CTSB: variants seen among roughly 807,000 people sequenced by gnomAD.
CTSB encodes the protein cathepsin B.
Under a neutral mutation model 44.3 loss-of-function variants are expected in CTSB, and 57 were observed. The ratio of observed to expected loss-of-function variants is 1.29; its 90% CI spans 1.04 to 1.60. CTSB has a LOEUF of 1.60. CTSB is among the 40% of genes most tolerant of loss of function. The pLI is 0.00. For synonymous variants in CTSB, 320 were observed against 168.0 expected, an observed-to-expected ratio of 1.91 and a Z score of -7.00; for missense variants, 768 against 443.0, an observed-to-expected ratio of 1.73 and a Z score of -6.59.
intron 1 of CTSB, among the ~76,000 whole-genome samples, chr8:11,866,154 T>G (rs536337696): frequency 1.3e-5 from 2 of 152,308 alleles, no homozygotes; most frequent in African/African-American, 4.8e-5. Context: ...AAATATCTGT[T>G]ACCCCTAAAA....
At chr8:11,849,489 G>T in intron 4 of CTSB, 1 of 198,382 alleles carries the variant, frequency 5.0e-6, no homozygotes, top group Non-Finnish European at 1.1e-5. Context: ...TTTAAAGCAA[G>T]AGAAGCACCC....
rs2131020189 is a variant in CTSB, at chr8:11,849,067, C to G, written c.425G>C (p.Cys142Ser). The change falls in exon 5 of 10, where the codon TGT becomes TCT. Residue 142 changes from cysteine to serine, a missense_variant. Cys to Ser is a moderately radical substitution (Grantham distance 112, BLOSUM62 -1). Coordinates refer to ENST00000353047, the MANE Select transcript of CTSB (RefSeq NM_001908.5). ...EVSAEDLLTC[C>S]GSMCGDGCNG... ...TCACCCGTCCCCACACATGCTGCCA[C>G]AGCATGTGAGCAGGTCCTCCGCCGA... 6.2e-7 allele frequency: 1 copy of G among 1,613,284 alleles called. No individual in the cohort carries two copies. The highest frequency in any genetic ancestry group is 8.5e-7 in the Non-Finnish European group (1 of 1,179,582).
chr8:11,857,327 TTTC>T (rs1380930314), intron 1 of CTSB, among the ~76,000 whole-genome samples: 1 of 152,134 alleles, frequency 6.6e-6, no homozygotes, highest in Non-Finnish European at 1.5e-5. Flanking sequence ...CCCTAGTGAC[TTTC>T]TTAATAATCT....
At chr8:11,858,002 G>C (rs1815795102) in intron 1 of CTSB, 1 of 152,254 alleles carries the variant, frequency 6.6e-6, no homozygotes, top group Non-Finnish European at 1.5e-5. Context: ...TTTGGATCTG[G>C]CTCTGCCACT....
chr8:11,843,785 C>G lies in CTSB; in HGVS notation c.*1340G>C, dbSNP rs140927391. The G allele has an allele frequency of 6.6e-6, 1 of 152,222 alleles. No homozygotes were observed. Among genetic ancestry groups the G allele is most frequent in the Non-Finnish European group, 1.5e-5 (1 of 68,052 alleles). 9.4% of individuals were successfully genotyped at this position (152,222 alleles called of 1,614,324 possible). A position where few individuals can be genotyped will look rare whatever the true frequency, so the allele number is the denominator to read the frequency against. The stretch of plus-strand genomic sequence containing the variant: ...GTGGCTCACGCCTGTAATCCCAACA[C>G]TTTGGGAGGCTGAGGCAGGCAGACC... On this transcript the variant is annotated 3_prime_UTR_variant, in exon 10 of 10. Transcript: ENST00000353047.
intron 1 of CTSB, among the ~76,000 whole-genome samples, chr8:11,857,422 G>C (rs1045430238): frequency 3.9e-5 from 6 of 152,196 alleles, no homozygotes; most frequent in African/African-American, 1.4e-4. Context: ...CACACTGTGA[G>C]GTTAGCATGT....
chr8:11,867,156 C>T (rs1244746900), intron 1 of CTSB: 1 of 152,296 alleles, frequency 6.6e-6, no homozygotes, highest in East Asian at 1.9e-4. Context: ...CAATTCACTT[C>T]CACCTGGGTC....
Position 11,843,860 on chromosome 8 carries a change from G to C in CTSB, c.*1265C>G, listed in dbSNP as rs1812710065. On this transcript the variant is annotated 3_prime_UTR_variant, in exon 10 of 10. Coordinates refer to ENST00000353047, the MANE Select transcript of CTSB (RefSeq NM_001908.5). The stretch of plus-strand genomic sequence containing the variant: ...AGCCTGGCCAACATGGTGAAATCCT[G>C]TATGTACTTAAAAATACAAAAATTA... 1 of 152,178 alleles carries C rather than the reference G, an allele frequency of 6.6e-6. No individual in the cohort carries two copies. The highest frequency in any genetic ancestry group is 2.1e-4 in the South Asian group (1 of 4,828). The allele number at this position is 152,178 out of a possible 1,614,324, so 9.4% of individuals were successfully genotyped here. A position where few individuals can be genotyped will look rare whatever the true frequency, so the allele number is the denominator to read the frequency against.
Position 11,842,989 on chromosome 8 carries a change from C to G in CTSB, c.*2136G>C, listed in dbSNP as rs1812533518. 1 of 139,766 alleles carries G rather than the reference C, an allele frequency of 7.2e-6. No homozygotes were observed. Among genetic ancestry groups the G allele is most frequent in the African/African-American group, 2.8e-5 (1 of 36,150 alleles). 8.7% of individuals were successfully genotyped at this position (139,766 alleles called of 1,614,324 possible). A position where few individuals can be genotyped will look rare whatever the true frequency, so the allele number is the denominator to read the frequency against. On this transcript the variant is annotated 3_prime_UTR_variant, in exon 10 of 10. Transcript: ENST00000353047. ...ATTGAGACGGAGCCTTGCGCTGTCA[C>G]CGAGGCTGGAGTGCACTGGCACTGT... is the stretch of plus-strand genomic sequence containing the variant.
intron 1 of CTSB, among the ~76,000 whole-genome samples, chr8:11,862,643 TTGA>T (rs930801449): frequency 6.6e-6 from 1 of 152,218 alleles, no homozygotes; most frequent in Non-Finnish European, 1.5e-5. Context: ...CTGATGTGGT[TTGA>T]TGATACGCTT....
intron 3 of CTSB, among the ~76,000 whole-genome samples, chr8:11,851,907 T>G (rs2131046217): frequency 6.6e-6 from 1 of 152,254 alleles, no homozygotes; most frequent in East Asian, 1.9e-4. Context: ...CCTCAGGTGA[T>G]CCGCTTGCCT....
In CTSB at chr8:11,866,894, G is replaced by A. The variant is rs1817232347; in HGVS notation, c.-26+1107C>T. ...CTTCGCCTTACGTTCCTGAACGTTT[G>A]GATTCAAAGAGAGTGCATCTCAGCT... On this transcript the variant is annotated intron_variant, in intron 1 of 9. Transcript: ENST00000353047. Among the ~76,000 whole-genome samples the A allele has an allele frequency of 3.3e-5, 5 of 152,238 alleles. No homozygotes were observed. The South Asian group carries it at 8.3e-4, about 25-fold the overall frequency.
intron 1 of CTSB, among the ~76,000 whole-genome samples, chr8:11,864,064 G>A (rs1366566766): frequency 1.3e-5 from 2 of 152,100 alleles, no homozygotes; most frequent in Non-Finnish European, 2.9e-5. Context: ...GACTAGAACT[G>A]GATGTAGCAA....
intron 3 of CTSB, among the ~76,000 whole-genome samples, chr8:11,852,319 C>T (rs1343946449): frequency 6.6e-6 from 1 of 152,058 alleles, no homozygotes; most frequent in Non-Finnish European, 1.5e-5. Context: ...TGCAGTGAGC[C>T]AAGATCGTGC....
rs61067792 is a variant in CTSB at position 11,850,419 on chromosome 8, C to CAAAA, written c.327+443_327+446dup. Among the ~76,000 whole-genome samples the CAAAA allele has an allele frequency of 2.9e-3, 155 of 53,236 alleles. 1 individual carries two copies. Among genetic ancestry groups the CAAAA allele is most frequent in the African/African-American group, 6.0e-3 (76 of 12,664 alleles). The allele number at this position is 53,236 out of a possible 152,430, so 34.9% of individuals were successfully genotyped here. ...GGGTGACAGAGCAAGACTCCATCTC[C>CAAAA]AAAAAAAAAAAAAAAAAAAAAAGAA... On this transcript the variant is annotated intron_variant, in intron 4 of 9. Coordinates refer to ENST00000353047, the MANE Select transcript of CTSB (RefSeq NM_001908.5).
At chr8:11,845,861 A>G (rs545340386) in intron 8 of CTSB, 72 bp from the exon 9 acceptor site, 25 of 1,485,480 alleles carry the variant, frequency 1.7e-5, no homozygotes, top group Non-Finnish European at 1.9e-5. Context: ...CCCCACACTC[A>G]GCTGGTCATG....
intron 8 of CTSB, 40 bp from the exon 9 acceptor site, chr8:11,845,829 C>CTG: frequency 6.3e-7 from 1 of 1,575,120 alleles, no homozygotes; most frequent in Non-Finnish European, 8.7e-7. Flanking sequence ...GACCGGGCCA[C>CTG]TGTCCCACGC....
intron 5 of CTSB, 62 bp from the exon 6 acceptor site, chr8:11,848,214 G>C (rs745583700): frequency 6.8e-7 from 1 of 1,476,462 alleles, no homozygotes; most frequent in Admixed American, 1.7e-5. Context: ...CCAGACCACT[G>C]TGTGCTACCC....
intron 6 of CTSB, 29 bp downstream of exon 6, chr8:11,848,038 C>G (rs757639040): frequency 2.2e-5 from 34 of 1,558,724 alleles, no homozygotes; most frequent in Middle Eastern, 3.6e-4. Context: ...ATCCATCTGG[C>G]CAGAAAGTGG....
Sources: allele counts gnomAD v4.1 joint callset (sites outside exome capture counted in the v4.1 genomes callset), GRCh38; gene constraint gnomAD v4.1.1; transcripts MANE v1.5; gene names NCBI Gene and HGNC (gene_info 2026-07-23, HGNC 2026-07-21).